Variants in UVRAG observed in about 807,000 individuals in gnomAD.
The protein encoded by UVRAG is UV radiation resistance-associated gene protein.
Under a neutral mutation model 78.0 loss-of-function variants are expected in UVRAG, and 19 were observed. The observed-to-expected ratio is 0.24, with a 90% confidence interval of 0.17 to 0.36. The LOEUF is 0.36. UVRAG is among the 10% of genes least tolerant of loss of function. The probability of loss-of-function intolerance (pLI) is 1.00; values close to 1 mark genes in which losing one functional copy is unlikely to be tolerated. For synonymous variants in UVRAG, 323 were observed against 324.6 expected (o/e 1.00, Z 0.05); for missense variants, 740 against 853.8 (o/e 0.87, Z 1.66).
chr11:75,927,604 TAGG>T (rs2135091372), intron 6 of UVRAG, among the ~76,000 whole-genome samples: 1 of 152,092 alleles, frequency 6.6e-6, no homozygotes, highest in Non-Finnish European at 1.5e-5. Context: ...AATAAAGTAG[TAGG>T]AGGAGAATAG....
intron 12 of UVRAG, among the ~76,000 whole-genome samples, chr11:76,062,961 C>G (rs1951121943): frequency 6.6e-6 from 1 of 152,182 alleles, no homozygotes; most frequent in African/African-American, 2.4e-5. Flanking sequence ...TTATCACTAT[C>G]ACGTTCCCCA....
intron 5 of UVRAG, among the ~76,000 whole-genome samples, chr11:75,894,063 A>G (rs1316956600): frequency 6.6e-6 from 1 of 152,246 alleles, no homozygotes; most frequent in Non-Finnish European, 1.5e-5. Context: ...AGAAAACAGC[A>G]AGGGGTATAC....
chr11:76,131,976 G>GA (rs921514246), intron 14 of UVRAG, among the ~76,000 whole-genome samples: 1 of 151,946 alleles, frequency 6.6e-6, no homozygotes, highest in Non-Finnish European at 1.5e-5. Flanking sequence ...TTGTTTTTTT[G>GA]AAAAAACTAA....
At chr11:76,091,109 ATTATCT>A (rs1565156885) in intron 13 of UVRAG, among the ~76,000 whole-genome samples, 2 of 152,194 alleles carry the variant, frequency 1.3e-5, no homozygotes, top group Admixed American at 1.3e-4. Context: ...AAATCTGAAA[ATTATCT>A]TTATTCTTCT....
In UVRAG at chr11:75,918,210, CAAAAAAAAA is replaced by C. The variant is rs67178910; in HGVS notation, c.593+6183_593+6191del. On this transcript the variant is annotated intron_variant, in intron 6 of 14. Coordinates refer to ENST00000356136, the MANE Select transcript of UVRAG (RefSeq NM_003369.4). Reference sequence around the variant, plus strand: ...TGAAACCCCTTCTCTACTAAAAATACAAAAAAAAAAAAAAAAAAAATAGCCAGGCATGGT... The same window carrying C: ...TGAAACCCCTTCTCTACTAAAAATACAAAAAAAAAAATAGCCAGGCATGGT... 1.4e-4 allele frequency among the ~76,000 whole-genome samples: 8 copies of C among 55,564 alleles called. No individual in the cohort carries two copies. In the Admixed American group the frequency reaches 1.5e-3, roughly 11 times the overall value. 36.5% of individuals were successfully genotyped at this position (55,564 alleles called of 152,430 possible).
chr11:76,087,907 C>T (rs546153269), intron 13 of UVRAG, among the ~76,000 whole-genome samples: 3 of 152,326 alleles, frequency 2.0e-5, no homozygotes, highest in African/African-American at 7.2e-5. Context: ...CAAGATCTCA[C>T]TCTGTTGCTC....
chr11:75,878,853 A>AAG (rs372988334), intron 3 of UVRAG, among the ~76,000 whole-genome samples: 87 of 140,378 alleles, frequency 6.2e-4, no homozygotes, highest in African/African-American at 1.8e-3. Context: ...AGACCATGGA[A>AAG]AGAGAGAGAG....
rs183549247 is a variant in UVRAG, at chr11:75,965,620, T to C, written c.699+4071T>C. The stretch of plus-strand genomic sequence containing the variant: ...ATGAGCCACCGCGCCCGGCAGATGT[T>C]GGACATCTTTTGTTAGAGTTATTCT... On this transcript the variant is annotated intron_variant, in intron 7 of 14. Transcript: ENST00000356136. Among the ~76,000 whole-genome samples the C allele has an allele frequency of 3.3e-3, 503 of 152,324 alleles. 2 individuals are homozygous for C. Among genetic ancestry groups the C allele is most frequent in the Non-Finnish European group, 4.1e-3 (282 of 68,028 alleles).
intron 1 of UVRAG, among the ~76,000 whole-genome samples, chr11:75,839,247 T>C (rs900737427): frequency 2.6e-5 from 4 of 152,092 alleles, no homozygotes; most frequent in African/African-American, 9.6e-5. Flanking sequence ...TTATATTAAT[T>C]AAAATTTTTT....
intron 1 of UVRAG, among the ~76,000 whole-genome samples, chr11:75,824,533 A>G (rs770936418): frequency 2.0e-5 from 3 of 152,052 alleles, no homozygotes; most frequent in Admixed American, 6.6e-5. Flanking sequence ...TGAAACTAAT[A>G]AGTTGGGCCT....
rs1022760960 is a variant in UVRAG at position 76,097,030 on chromosome 11, G to A, written c.1306-18894G>A. Among the ~76,000 whole-genome samples the A allele has an allele frequency of 2.0e-5, 3 of 152,108 alleles. No homozygotes were observed. In the South Asian group the frequency reaches 6.2e-4, roughly 31 times the overall value. ...TTAACTGAAGCGTGCAACCCCTTCT[G>A]TTAGAGGCTTGTTTTCTGGCACTCC... On this transcript the variant is annotated intron_variant, in intron 13 of 14. Transcript: ENST00000356136.
chr11:75,851,978 T>C lies in UVRAG; in HGVS notation c.213T>C (p.Cys71=). 1 of 1,610,506 alleles carries C rather than the reference T, an allele frequency of 6.2e-7. No individual in the cohort carries two copies. ...LLDTYFTLHL[C]STEKIYKEFY... Reference sequence around the variant, plus strand: ...ATACCTACTTTACACTTCACTTGTGTAGTACTGAAAAGATATATAAAGGTA... The same window carrying C: ...ATACCTACTTTACACTTCACTTGTGCAGTACTGAAAAGATATATAAAGGTA... Residue 71 remains cysteine, a synonymous_variant, in exon 2 of 15, where the codon TGT becomes TGC. Coordinates refer to ENST00000356136, the MANE Select transcript of UVRAG (RefSeq NM_003369.4).
At chr11:75,979,029 G>A (rs917900570) in intron 7 of UVRAG, among the ~76,000 whole-genome samples, 1 of 152,196 alleles carries the variant, frequency 6.6e-6, no homozygotes, top group Non-Finnish European at 1.5e-5. Flanking sequence ...GGTCTTCGAT[G>A]ATGGTGACGT....
chr11:76,013,215 G>A (rs1222110726), intron 11 of UVRAG: 1 of 152,096 alleles, frequency 6.6e-6, no homozygotes, highest in Non-Finnish European at 1.5e-5. Flanking sequence ...TGGCCATTGC[G>A]TGTTTGTGGA....
intron 6 of UVRAG, among the ~76,000 whole-genome samples, chr11:75,946,660 G>A (rs1487147161): frequency 6.6e-6 from 1 of 152,128 alleles, no homozygotes; most frequent in East Asian, 1.9e-4. Flanking sequence ...TGGTTTATAG[G>A]ACTCAGCCTC....
intron 5 of UVRAG, chr11:75,911,335 C>A: frequency 5.9e-6 from 1 of 170,116 alleles, no homozygotes; most frequent in Non-Finnish European, 1.3e-5. Flanking sequence ...AGGTGCCCAG[C>A]CTTGACTCCA....
chr11:75,959,436 C>T (rs987880668), intron 6 of UVRAG, among the ~76,000 whole-genome samples: 6 of 152,176 alleles, frequency 3.9e-5, no homozygotes, highest in Non-Finnish European at 8.8e-5. Context: ...TTCCTTAAAC[C>T]TCATAAACCA....
intron 1 of UVRAG, among the ~76,000 whole-genome samples, chr11:75,848,794 T>G (rs1946089407): frequency 6.6e-6 from 1 of 152,264 alleles, no homozygotes; most frequent in South Asian, 2.1e-4. Flanking sequence ...ATATAGGATG[T>G]AATCCTTGGC....
Position 75,992,895 on chromosome 11 carries a change from A to C in UVRAG, c.826+9382A>C, listed in dbSNP as rs528272691. On this transcript the variant is annotated intron_variant, in intron 8 of 14. Coordinates refer to ENST00000356136, the MANE Select transcript of UVRAG (RefSeq NM_003369.4). ...TCTCTTGCATTTGCAGCTTTGATTT[A>C]GTTTGTTTGCTAGGGAGTAGTGAAA... 4.8e-4 allele frequency among the ~76,000 whole-genome samples: 73 copies of C among 152,304 alleles called. 1 individual carries two copies. The highest frequency in any genetic ancestry group is 1.7e-3 in the African/African-American group (72 of 41,546).
Sources: gnomAD v4.1 joint callset for allele counts (sites outside exome capture counted in the v4.1 genomes callset) on GRCh38, gnomAD v4.1.1 for gene constraint, MANE v1.5 for transcripts, NCBI Gene and HGNC (gene_info 2026-07-23, HGNC 2026-07-21) for gene names.